Variants in ECT2L observed in about 807,000 individuals in gnomAD.
The protein encoded by ECT2L is epithelial cell-transforming sequence 2 oncogene-like.
In ECT2L, 126 loss-of-function variants were observed where a neutral mutation model predicts 122.8. The ratio of observed to expected loss-of-function variants is 1.03; its 90% CI spans 0.89 to 1.19. The LOEUF (loss-of-function observed/expected upper bound fraction) is 1.19, where lower values mean the gene tolerates loss of function less well. Ranked by LOEUF, ECT2L falls within the 50% of genes most tolerant of loss-of-function variation. The pLI is 0.00. For missense variants in ECT2L, 1,012 were observed against 1,064.1 expected, an observed-to-expected ratio of 0.95 and a Z score of 0.68; for synonymous variants, 385 against 381.8, an observed-to-expected ratio of 1.01 and a Z score of -0.10.
At chr6:138,880,906 A>G in intron 14 of ECT2L, 51 bp from the exon 15 acceptor site, 6 of 1,534,794 alleles carry the variant, frequency 3.9e-6, no homozygotes, top group Non-Finnish European at 5.4e-6. Context: ...CTGACTGCTC[A>G]GCACTTCTAC....
chr6:138,853,329 C>G (rs1019929470), intron 9 of ECT2L, among the ~76,000 whole-genome samples: 1 of 152,176 alleles, frequency 6.6e-6, no homozygotes, highest in Admixed American at 6.5e-5. Context: ...TAGTTTACTT[C>G]TATATAATTG....
At chr6:138,890,490 A>ATTTTTTTTTTT (rs1562495167) in intron 20 of ECT2L, among the ~76,000 whole-genome samples, 1 of 50,188 alleles carries the variant, frequency 2.0e-5, no homozygotes, top group Non-Finnish European at 3.4e-5. Flanking sequence ...GTTTTCTTTG[A>ATTTTTTTTTTT]TCTTTTTTTT....
intron 14 of ECT2L, chr6:138,878,981 A>G (rs1423587360): frequency 1.3e-5 from 2 of 156,296 alleles, no homozygotes; most frequent in Non-Finnish European, 2.8e-5. Flanking sequence ...GCAGTTTTTT[A>G]GTTGAGAATG....
rs148792654 is a variant in ECT2L, at chr6:138,839,190, T to C, written c.342+676T>C. On this transcript the variant is annotated intron_variant, in intron 5 of 21. Coordinates refer to ENST00000541398, the MANE Select transcript of ECT2L (RefSeq NM_001077706.3). ...CACAACCACAGCCTCAACTAATCCC[T>C]TATTGTCTTAACATCTGTTAAAGAA... Among the ~76,000 whole-genome samples, 206 of 152,346 alleles carry C rather than the reference T, an allele frequency of 1.4e-3. 1 individual carries two copies. The highest frequency in any genetic ancestry group is 4.8e-3 in the African/African-American group (200 of 41,576).
At chr6:138,856,132 C>G (rs1777601158) in intron 10 of ECT2L, among the ~76,000 whole-genome samples, 1 of 143,592 alleles carries the variant, frequency 7.0e-6, no homozygotes, top group African/African-American at 2.6e-5. Flanking sequence ...GGCTGTAAAT[C>G]ACTCCTAAAA....
chr6:138,899,897 C>T lies in ECT2L; in HGVS notation c.2415-1051C>T, dbSNP rs182360559. On this transcript the variant is annotated intron_variant, in intron 20 of 21. Coordinates refer to ENST00000541398, the MANE Select transcript of ECT2L (RefSeq NM_001077706.3). Reference sequence around the variant, plus strand: ...CACCACTCACTGCTCGGCTAGAACACTCCCACAGGACAAATAACCCACACT... The same window carrying T: ...CACCACTCACTGCTCGGCTAGAACATTCCCACAGGACAAATAACCCACACT... Among the ~76,000 whole-genome samples, 90 of 152,322 alleles carry T rather than the reference C, an allele frequency of 5.9e-4. 1 individual carries two copies. The highest frequency in any genetic ancestry group is 4.1e-4 in the South Asian group (2 of 4,828).
chr6:138,841,628 G>T (rs79224095), intron 5 of ECT2L, among the ~76,000 whole-genome samples: 2,327 of 152,220 alleles, frequency 0.015, 27 homozygotes, highest in Non-Finnish European at 0.023. Context: ...AAGTCTTTTA[G>T]TCATAACTTT....
intron 20 of ECT2L, among the ~76,000 whole-genome samples, chr6:138,890,230 CAAAG>C (rs1778970149): frequency 6.6e-6 from 1 of 151,968 alleles, no homozygotes; most frequent in Admixed American, 6.6e-5. Flanking sequence ...GTATTAATGA[CAAAG>C]AGTGATTCAG....
At chr6:138,888,041 C>T (rs550697608) in intron 19 of ECT2L, among the ~76,000 whole-genome samples, 12 of 152,206 alleles carry the variant, frequency 7.9e-5, no homozygotes, top group Admixed American at 5.2e-4. Context: ...ATGTGAGTTA[C>T]GTTGAATTAA....
In ECT2L at chr6:138,862,479, G is replaced by A. The variant is rs944920740; in HGVS notation, c.1199-148G>A. The A allele has an allele frequency of 3.8e-5, 25 of 664,786 alleles. No homozygotes were observed. The East Asian group carries it at 4.4e-4, about 12-fold the overall frequency. The allele number at this position is 664,786 out of a possible 1,614,324, so 41.2% of individuals were successfully genotyped here. A position where few individuals can be genotyped will look rare whatever the true frequency, so the allele number is the denominator to read the frequency against. On this transcript the variant is annotated intron_variant, in intron 10 of 21. Transcript: ENST00000541398. Reference sequence around the variant, plus strand: ...GGCACTAGTTATTCATGAGGGATCCGCCCTCATGATCCCTCCTGCCAGGCC... The same window carrying A: ...GGCACTAGTTATTCATGAGGGATCCACCCTCATGATCCCTCCTGCCAGGCC...
At position 138,865,057 on chromosome 6, in the gene ECT2L, A is replaced by ATT; in HGVS notation, c.1354_1355insTT (p.Ser452PhefsTer14). ...CCCCCTCTTCCATCTACTTCTGCGA[A>ATT]TCGAAGCTACAGACGTGGTCCAGCT... On this transcript the variant is annotated frameshift_variant, in exon 12 of 22. Transcript: ENST00000541398. LOFTEE classifies it high-confidence loss of function. 1 of 1,614,114 alleles carries ATT rather than the reference A, an allele frequency of 6.2e-7. No homozygotes were observed. Among genetic ancestry groups the ATT allele is most frequent in the South Asian group, 1.1e-5 (1 of 91,080 alleles).
intron 9 of ECT2L, among the ~76,000 whole-genome samples, chr6:138,852,597 C>A (rs1306250989): frequency 6.6e-6 from 1 of 152,040 alleles, no homozygotes; most frequent in South Asian, 2.1e-4. Flanking sequence ...GTTGGGACTT[C>A]GTGTACTTGG....
intron 4 of ECT2L, among the ~76,000 whole-genome samples, chr6:138,835,075 G>A (rs946875808): frequency 6.6e-6 from 1 of 151,842 alleles, no homozygotes; most frequent in Admixed American, 6.6e-5. Flanking sequence ...GGCCAGGGGA[G>A]GAAGAACACA....
chr6:138,827,921 A>G (rs974516177), intron 4 of ECT2L, among the ~76,000 whole-genome samples: 9 of 142,164 alleles, frequency 6.3e-5, no homozygotes, highest in Middle Eastern at 3.2e-3. Context: ...ATTCCAGGAC[A>G]TAACTTTTTT....
In ECT2L at chr6:138,903,040, T is replaced by C. The variant is rs1260039876; in HGVS notation, c.*413T>C. On this transcript the variant is annotated 3_prime_UTR_variant, in exon 22 of 22. Transcript: ENST00000541398. ...TGGTGATTTACCATTTTTAACATTT[T>C]CATGAAACAATTATTGATTTAAAAT... The C allele has an allele frequency of 6.0e-6, 1 of 167,742 alleles. No individual in the cohort carries two copies. Among genetic ancestry groups the C allele is most frequent in the Non-Finnish European group, 1.3e-5 (1 of 79,250 alleles). The allele number at this position is 167,742 out of a possible 1,614,324, so 10.4% of individuals were successfully genotyped here.
intron 1 of ECT2L, among the ~76,000 whole-genome samples, chr6:138,809,491 A>G (rs1364209791): frequency 1.3e-5 from 2 of 152,218 alleles, no homozygotes; most frequent in Non-Finnish European, 2.9e-5. Flanking sequence ...AACTTTTTGT[A>G]TATACTGAGA....
At position 138,862,644 on chromosome 6, in the gene ECT2L, C is replaced by T; in HGVS notation, c.1216C>T (p.Leu406Phe). The change falls in exon 11 of 22, where the codon CTT becomes TTT. Residue 406 changes from leucine (L) to phenylalanine (F), a missense_variant. By Grantham distance (22) the Leu-to-Phe change is conservative. Coordinates refer to ENST00000541398, the MANE Select transcript of ECT2L (RefSeq NM_001077706.3). ...LGASEAGIEV[L>F]SQLSQLTGTF... Reference sequence around the variant, plus strand: ...CTATGCAGAGGCAGGAATTGAAGTTCTTTCCCAGCTGTCTCAACTAACTGG... The same window carrying T: ...CTATGCAGAGGCAGGAATTGAAGTTTTTTCCCAGCTGTCTCAACTAACTGG... 1 of 1,614,124 alleles carries T rather than the reference C, an allele frequency of 6.2e-7. No individual in the cohort carries two copies. Among genetic ancestry groups the T allele is most frequent in the Non-Finnish European group, 8.5e-7 (1 of 1,179,978 alleles).
intron 13 of ECT2L, 46 bp from the exon 14 acceptor site, chr6:138,876,426 A>G (rs775177466): frequency 3.6e-6 from 5 of 1,382,914 alleles, no homozygotes; most frequent in Middle Eastern, 1.8e-4. Context: ...GTTTTCAGAG[A>G]TGTCAAGACC....
intron 4 of ECT2L, among the ~76,000 whole-genome samples, chr6:138,831,630 A>G (rs1323582299): frequency 6.6e-6 from 1 of 152,228 alleles, no homozygotes; most frequent in Non-Finnish European, 1.5e-5. Context: ...GATTAACTAC[A>G]GTTGTAATTT....
Sources: gnomAD v4.1 joint callset for allele counts (sites outside exome capture counted in the v4.1 genomes callset) on GRCh38, gnomAD v4.1.1 for gene constraint, MANE v1.5 for transcripts, NCBI Gene and HGNC (gene_info 2026-07-23, HGNC 2026-07-21) for gene names.